Variants in TTC12 observed in about 807,000 individuals in gnomAD.
TTC12 encodes tetratricopeptide repeat protein 12.
Under a neutral mutation model 90.1 loss-of-function variants are expected in TTC12, and 70 were observed. The ratio of observed to expected loss-of-function variants is 0.78; its 90% confidence interval spans 0.64 to 0.95. The LOEUF (loss-of-function observed/expected upper bound fraction) is 0.95, where lower values mean the gene tolerates loss of function less well. Among genes scored for constraint, TTC12 ranks in the 40% least tolerant of loss-of-function variants. TTC12 has a pLI of 0.00. For synonymous variants in TTC12, 296 were observed against 311.5 expected, an observed-to-expected ratio of 0.95 and a Z score of 0.53; for missense variants, 819 against 846.1, an observed-to-expected ratio of 0.97 and a Z score of 0.40.
At chr11:113,367,780 C>T (rs964006319), downstream of TTC12, among the ~76,000 whole-genome samples, 6 of 152,334 alleles carry the variant, frequency 3.9e-5, no homozygotes, top group African/African-American at 9.6e-5. Flanking sequence ...TGATGTACTG[C>T]GCATGGCTGG....
intron 6 of TTC12, among the ~76,000 whole-genome samples, chr11:113,327,626 G>C (rs1947770903): frequency 6.6e-6 from 1 of 151,992 alleles, no homozygotes; most frequent in Non-Finnish European, 1.5e-5. Context: ...TTTAATCCAA[G>C]CCTTAAGAGA....
chr11:113,361,878 T>C, intron 18 of TTC12, among the ~76,000 whole-genome samples: 1 of 145,298 alleles, frequency 6.9e-6, no homozygotes, highest in Middle Eastern at 3.5e-3. Flanking sequence ...AAGAAAAAAA[T>C]AGTAACTATC....
intron 9 of TTC12, 117 bp downstream of exon 9, chr11:113,338,951 T>C: frequency 1.1e-6 from 1 of 886,610 alleles, no homozygotes; most frequent in Non-Finnish European, 1.8e-6. Context: ...GGATCCTCTT[T>C]CCTGCACAGT....
Position 113,341,831 on chromosome 11 carries a change from T to C in TTC12, c.897-6T>C, listed in dbSNP as rs6589372. On this transcript the variant is annotated splice_region_variant and splice_polypyrimidine_tract_variant and intron_variant, in intron 11 of 21. Coordinates refer to ENST00000529221, the MANE Select transcript of TTC12 (RefSeq NM_017868.4). ...TTTTAAGATAGCTCTCCTTTGTCCA[T>C]TCTAGGTGTTTTTCCACAGCAGGAA... 0.17 allele frequency: 279,495 copies of C among 1,607,864 alleles called. 28,607 individuals are homozygous for C. Among genetic ancestry groups the C allele is most frequent in the East Asian group, 0.51 (22,872 of 44,806 alleles).
downstream of TTC12, chr11:113,366,451 G>A: frequency 7.1e-7 from 1 of 1,415,222 alleles, no homozygotes; most frequent in Non-Finnish European, 9.4e-7. Flanking sequence ...TAACAAGAGA[G>A]TGGGCATTAG....
At chr11:113,363,317 C>T (rs782777335) in intron 19 of TTC12, among the ~76,000 whole-genome samples, 5 of 152,238 alleles carry the variant, frequency 3.3e-5, no homozygotes, top group Non-Finnish European at 7.3e-5. Flanking sequence ...ATGCATCACA[C>T]GTGCATACGT....
intron 21 of TTC12, among the ~76,000 whole-genome samples, chr11:113,372,525 T>G (rs1259843204): frequency 6.6e-6 from 1 of 152,244 alleles, no homozygotes; most frequent in African/African-American, 2.4e-5. Context: ...TTTTAAATTC[T>G]CTGAAGTTTT....
In TTC12 at chr11:113,344,388, G is replaced by T; in HGVS notation, c.1102G>T (p.Ala368Ser). ...GAGCTTTGCCCTGCTGCTGCATCTC[G>T]CCCAGACTGAGAGCGGACGGAGCCT... ...QQSFALLLHL[A>S]QTESGRSLII... The change falls in exon 13 of 22, where the codon GCC becomes TCC. Residue 368 changes from alanine to serine, a missense_variant. Transcript: ENST00000529221. 6.2e-7 allele frequency: 1 copy of T among 1,614,102 alleles called. No individual in the cohort carries two copies. Among genetic ancestry groups the T allele is most frequent in the Non-Finnish European group, 8.5e-7 (1 of 1,180,014 alleles).
chr11:113,343,733 C>G (rs1948799528), intron 12 of TTC12, among the ~76,000 whole-genome samples: 1 of 152,168 alleles, frequency 6.6e-6, no homozygotes, highest in Non-Finnish European at 1.5e-5. Flanking sequence ...CAGACTGCCA[C>G]CACCCTGGAA....
intron 13 of TTC12, among the ~76,000 whole-genome samples, chr11:113,344,781 A>G (rs541273265): frequency 1.1e-4 from 17 of 152,320 alleles, no homozygotes; most frequent in Non-Finnish European, 2.2e-4. Flanking sequence ...TGTTCCTGCC[A>G]TTCGTTTTCT....
At chr11:113,361,803 A>G (rs1337532503) in intron 18 of TTC12, among the ~76,000 whole-genome samples, 2 of 152,188 alleles carry the variant, frequency 1.3e-5, no homozygotes, top group African/African-American at 4.8e-5. Flanking sequence ...CTACACACAT[A>G]AATAGGAAAA....
chr11:113,323,796 C>T (rs1555139744), intron 3 of TTC12, among the ~76,000 whole-genome samples, 198 bp from the exon 4 acceptor site: 1 of 152,126 alleles, frequency 6.6e-6, no homozygotes, highest in African/African-American at 2.4e-5. Context: ...TTTGCAGACT[C>T]GGTCCCATAG....
chr11:113,330,469 C>T (rs1280157716), intron 7 of TTC12, among the ~76,000 whole-genome samples: 1 of 152,174 alleles, frequency 6.6e-6, no homozygotes, highest in Non-Finnish European at 1.5e-5. Flanking sequence ...TAAAATAATT[C>T]TACACATGGC....
intron 11 of TTC12, 121 bp downstream of exon 11, chr11:113,340,854 A>G: frequency 1.3e-6 from 1 of 793,858 alleles, no homozygotes; most frequent in East Asian, 2.6e-5. Flanking sequence ...TTCAGTCAGT[A>G]GTGGGGGGCT....
At chr11:113,334,940 C>G in intron 7 of TTC12, 26 bp from the exon 8 acceptor site, 1 of 1,596,524 alleles carries the variant, frequency 6.3e-7, no homozygotes, top group Non-Finnish European at 8.6e-7. Flanking sequence ...TCTAAAACTT[C>G]TGATCAGTCA....
At chr11:113,368,479 T>C (rs1950285245), downstream of TTC12, 2 of 1,550,366 alleles carry the variant, frequency 1.3e-6, no homozygotes, top group Admixed American at 2.0e-5. Context: ...CAGAGTCTTC[T>C]GGTTCAACAA....
intron 21 of TTC12, among the ~76,000 whole-genome samples, chr11:113,372,159 A>C (rs1195662210): frequency 6.6e-6 from 1 of 152,232 alleles, no homozygotes; most frequent in African/African-American, 2.4e-5. Flanking sequence ...GATGGAACAC[A>C]GGGCAGGCAC....
chr11:113,352,342 A>G, intron 16 of TTC12, 135 bp downstream of exon 16: 1 of 1,105,478 alleles, frequency 9.0e-7, no homozygotes, highest in Non-Finnish European at 1.3e-6. Flanking sequence ...CCCTTCTGTA[A>G]CCACGGATTT....
At chr11:113,343,597 A>G (rs547591694) in intron 12 of TTC12, among the ~76,000 whole-genome samples, 1 of 152,254 alleles carries the variant, frequency 6.6e-6, no homozygotes, top group East Asian at 1.9e-4. Context: ...GCCAAGGGTG[A>G]TGAGGTCCAA....
Sources: gnomAD v4.1 joint callset for allele counts (sites outside exome capture counted in the v4.1 genomes callset) on GRCh38, gnomAD v4.1.1 for gene constraint, MANE v1.5 for transcripts, NCBI Gene and HGNC (gene_info 2026-07-23, HGNC 2026-07-21) for gene names.